B3GALT1: variants seen among roughly 807,000 people sequenced by gnomAD.
The protein encoded by B3GALT1 is UDP-Gal:betaGlcNAc beta 1,3-galactosyltransferase, polypeptide 1.
Under a neutral mutation model 23.2 loss-of-function variants are expected in B3GALT1, and 10 were observed. That is an observed-to-expected ratio of 0.43 (90% confidence interval 0.27 to 0.73). The LOEUF (loss-of-function observed/expected upper bound fraction) is 0.73. B3GALT1 is among the 30% of genes least tolerant of loss of function. B3GALT1 has a pLI of 0.21. For missense variants in B3GALT1, 299 were observed against 405.4 expected, an observed-to-expected ratio of 0.74 and a Z score of 2.25; for synonymous variants, 156 against 141.5, an observed-to-expected ratio of 1.10 and a Z score of -0.73.
intron 2 of B3GALT1, among the ~76,000 whole-genome samples, chr2:167,637,830 CT>C (rs201770741): frequency 0.02 from 2,980 of 145,810 alleles, 44 homozygotes; most frequent in East Asian, 0.065. Context: ...TGATTCCACT[CT>C]TTTTTTTTTT....
At chr2:167,400,704 G>T (rs1226768941) in intron 1 of B3GALT1, among the ~76,000 whole-genome samples, 1 of 152,058 alleles carries the variant, frequency 6.6e-6, no homozygotes, top group Non-Finnish European at 1.5e-5. Context: ...CCAATTCAGC[G>T]GGATTTGGAA....
chr2:167,325,192 T>C (rs916314796), intron 1 of B3GALT1, among the ~76,000 whole-genome samples: 1 of 152,126 alleles, frequency 6.6e-6, no homozygotes, highest in African/African-American at 2.4e-5. Flanking sequence ...CTCTTTGATA[T>C]ATTGATTTCT....
At chr2:167,820,718 CCTGA>C (rs1689087037) in intron 4 of B3GALT1, among the ~76,000 whole-genome samples, 1 of 152,192 alleles carries the variant, frequency 6.6e-6, no homozygotes. Context: ...CTGAGACTAT[CCTGA>C]CTATTATTAT....
At position 167,394,101 on chromosome 2, in the gene B3GALT1, T is replaced by C. The variant is rs976287568; in HGVS notation, c.-510-96076T>C. On this transcript the variant is annotated intron_variant, in intron 1 of 4. Transcript: ENST00000392690. ...AGCTGTGAAATTAATCCAAAGTATGTAGCAAAACACATTGCTGCCTTAGTG... is the reference window on the plus strand; with the variant it reads ...AGCTGTGAAATTAATCCAAAGTATGCAGCAAAACACATTGCTGCCTTAGTG... Among the ~76,000 whole-genome samples the C allele has an allele frequency of 2.0e-5, 3 of 152,148 alleles. No homozygotes were observed. The East Asian group carries it at 5.8e-4, about 29-fold the overall frequency.
chr2:167,334,800 A>G (rs765430237), intron 1 of B3GALT1, among the ~76,000 whole-genome samples: 37 of 152,224 alleles, frequency 2.4e-4, no homozygotes, highest in Non-Finnish European at 4.7e-4. Flanking sequence ...GTTTATTTAT[A>G]TAAACTAATT....
intron 1 of B3GALT1, among the ~76,000 whole-genome samples, chr2:167,403,162 TCCCTCCC>T (rs1232507243): frequency 7.8e-6 from 1 of 128,834 alleles, no homozygotes; most frequent in Admixed American, 8.0e-5. Flanking sequence ...CCTAATGCTA[TCCCTCCC>T]CCCTCCCCCC....
chr2:167,657,311 A>T (rs1329083949), intron 3 of B3GALT1, among the ~76,000 whole-genome samples: 1 of 152,122 alleles, frequency 6.6e-6, no homozygotes, highest in Non-Finnish European at 1.5e-5. Context: ...GCTGAGTTCA[A>T]CAGAGGAGAG....
intron 1 of B3GALT1, among the ~76,000 whole-genome samples, chr2:167,326,391 C>T (rs1474049433): frequency 6.6e-6 from 1 of 151,778 alleles, no homozygotes; most frequent in African/African-American, 2.4e-5. Context: ...AAGGTTTTCT[C>T]TTTACTCTGT....
At chr2:167,545,329 C>G (rs114596324) in intron 2 of B3GALT1, among the ~76,000 whole-genome samples, 2 of 152,018 alleles carry the variant, frequency 1.3e-5, no homozygotes, top group Non-Finnish European at 2.9e-5. Context: ...GCCACCGGCC[C>G]GGTGTGCCTT....
At chr2:167,341,452 A>G (rs1358651594) in intron 1 of B3GALT1, among the ~76,000 whole-genome samples, 1 of 152,200 alleles carries the variant, frequency 6.6e-6, no homozygotes, top group African/African-American at 2.4e-5. Context: ...ACTTCAGGTC[A>G]GGAGTTTGAG....
chr2:167,721,846 G>A (rs1263834315), intron 3 of B3GALT1, among the ~76,000 whole-genome samples: 1 of 152,226 alleles, frequency 6.6e-6, no homozygotes, highest in Non-Finnish European at 1.5e-5. Context: ...TTCCGGCCAG[G>A]TAGTAAACTA....
At chr2:167,626,686 T>G (rs1300935651) in intron 2 of B3GALT1, among the ~76,000 whole-genome samples, 1 of 151,774 alleles carries the variant, frequency 6.6e-6, no homozygotes, top group Non-Finnish European at 1.5e-5. Flanking sequence ...ATGAAGAAAG[T>G]TAAACATTGA....
intron 4 of B3GALT1, among the ~76,000 whole-genome samples, chr2:167,856,223 A>G (rs1315781371): frequency 2.0e-5 from 3 of 152,104 alleles, no homozygotes; most frequent in African/African-American, 7.2e-5. Flanking sequence ...AACTCAAAAC[A>G]CTCATGTTCT....
chr2:167,488,512 G>A (rs765563057), intron 1 of B3GALT1, among the ~76,000 whole-genome samples: 15 of 152,222 alleles, frequency 9.9e-5, no homozygotes, highest in African/African-American at 3.6e-4. Flanking sequence ...GGTTTTCACT[G>A]TACAGTTCAT....
chr2:167,564,072 G>A (rs1322750747), intron 2 of B3GALT1, among the ~76,000 whole-genome samples: 34 of 151,786 alleles, frequency 2.2e-4, no homozygotes, highest in African/African-American at 7.5e-4. Flanking sequence ...CAGACGGGGC[G>A]GCTGCCGGGC....
chr2:167,456,222 A>C (rs189517509), intron 1 of B3GALT1, among the ~76,000 whole-genome samples: 1 of 152,148 alleles, frequency 6.6e-6, no homozygotes, highest in Non-Finnish European at 1.5e-5. Flanking sequence ...GTCACATGGC[A>C]AGAGGGAGTG....
chr2:167,560,795 G>A (rs1683966320), intron 2 of B3GALT1, among the ~76,000 whole-genome samples: 1 of 152,198 alleles, frequency 6.6e-6, no homozygotes. Context: ...GGGGCACCCA[G>A]ATCCATAAAG....
At chr2:167,553,384 C>CT (rs1421978695) in intron 2 of B3GALT1, among the ~76,000 whole-genome samples, 1 of 152,188 alleles carries the variant, frequency 6.6e-6, no homozygotes, top group Non-Finnish European at 1.5e-5. Flanking sequence ...AGAACCCCTT[C>CT]TTTTCACATG....
chr2:167,783,313 A>G (rs1688279302), intron 3 of B3GALT1, among the ~76,000 whole-genome samples: 2 of 152,082 alleles, frequency 1.3e-5, no homozygotes, highest in Non-Finnish European at 2.9e-5. Context: ...TTTTCTGTTT[A>G]TCTTCGTGTT....
Sources: allele counts gnomAD v4.1 joint callset (sites outside exome capture counted in the v4.1 genomes callset), GRCh38; gene constraint gnomAD v4.1.1; transcripts MANE v1.5; gene names NCBI Gene and HGNC (gene_info 2026-07-23, HGNC 2026-07-21).